Variants in FSIP1 observed in about 807,000 individuals in gnomAD.
The protein encoded by FSIP1 is fibrous sheath interacting protein 1.
FSIP1 carries 65 observed loss-of-function variants against 60.9 expected under a neutral mutation model. That is an observed-to-expected ratio of 1.07 (90% CI 0.87 to 1.31). FSIP1 has a LOEUF of 1.31. Ranked by LOEUF, FSIP1 falls within the 40% of genes most tolerant of loss-of-function variation. The pLI is 0.00. For missense variants in FSIP1, 675 were observed against 665.5 expected, an observed-to-expected ratio of 1.01 and a Z score of -0.16; for synonymous variants, 209 against 221.2, an observed-to-expected ratio of 0.94 and a Z score of 0.49.
chr15:39,778,219 G>A (rs889796689), intron 1 of FSIP1, among the ~76,000 whole-genome samples: 8 of 152,158 alleles, frequency 5.3e-5, no homozygotes, highest in Non-Finnish European at 8.8e-5. Context: ...TCTTGTAAAC[G>A]CCCTAAGCAG....
At chr15:39,772,715 C>T (rs966300839) in intron 2 of FSIP1, among the ~76,000 whole-genome samples, 5 of 151,914 alleles carry the variant, frequency 3.3e-5, no homozygotes, top group African/African-American at 9.7e-5. Context: ...CTCAGCCTCC[C>T]GAGTAGCTGG....
rs184614949 is a variant in FSIP1, at chr15:39,664,938, A to G, written c.1189-46693T>C. Among the ~76,000 whole-genome samples, 33 of 152,336 alleles carry G rather than the reference A, an allele frequency of 2.2e-4. No individual in the cohort carries two copies. The East Asian group carries it at 6.0e-3, about 28-fold the overall frequency. ...AGCTATTTCCTCCCACTAGAATATAAGCTCCATGAGAGCACAGACATTATC... is the reference window on the plus strand; with the variant it reads ...AGCTATTTCCTCCCACTAGAATATAGGCTCCATGAGAGCACAGACATTATC... On this transcript the variant is annotated intron_variant, in intron 10 of 11. Coordinates refer to ENST00000350221, the MANE Select transcript of FSIP1 (RefSeq NM_152597.5).
chr15:39,645,893 G>A (rs892784807), intron 10 of FSIP1, among the ~76,000 whole-genome samples: 2 of 152,220 alleles, frequency 1.3e-5, no homozygotes, highest in African/African-American at 4.8e-5. Flanking sequence ...GTGGAAGGGG[G>A]CAGGGTCCCC....
chr15:39,672,437 A>G (rs1264483751), intron 10 of FSIP1, among the ~76,000 whole-genome samples: 1 of 152,210 alleles, frequency 6.6e-6, no homozygotes, highest in African/African-American at 2.4e-5. Flanking sequence ...CAGGAATAGT[A>G]CAGACAAGAT....
intron 5 of FSIP1, among the ~76,000 whole-genome samples, chr15:39,755,118 T>C (rs184413214): frequency 9.2e-5 from 14 of 152,246 alleles, no homozygotes; most frequent in African/African-American, 3.1e-4. Context: ...TGGTTATTCA[T>C]TGGTTCAATG....
At chr15:39,658,452 G>A (rs12900024) in intron 10 of FSIP1, among the ~76,000 whole-genome samples, 1 of 151,498 alleles carries the variant, frequency 6.6e-6, no homozygotes, top group South Asian at 2.1e-4. Context: ...TTTTCACCAC[G>A]TTGGCCAGGC....
Position 39,765,707 on chromosome 15 carries a change from T to C in FSIP1, c.350A>G (p.Asp117Gly), listed in dbSNP as rs760757130. Reference protein sequence around the residue: ...KLKELDSQLQDAIQKMKKLDK... With the variant: ...KLKELDSQLQGAIQKMKKLDK... The stretch of plus-strand genomic sequence containing the variant: ...AAGTTTTTTCATCTTCTGAATAGCA[T>C]CTTGAAGTTGAGAATCTAATTCTTT... The change falls in exon 4 of 12, where the codon GAT becomes GGT. Residue 117 changes from aspartate to glycine, a missense_variant. By Grantham distance (94) the Asp-to-Gly change is moderately conservative. Coordinates refer to ENST00000350221, the MANE Select transcript of FSIP1 (RefSeq NM_152597.5). The C allele has an allele frequency of 2.6e-6, 4 of 1,561,840 alleles. No homozygotes were observed. The highest frequency in any genetic ancestry group is 1.8e-6 in the Non-Finnish European group (2 of 1,140,052).
intron 10 of FSIP1, among the ~76,000 whole-genome samples, chr15:39,698,135 T>C (rs1174025495): frequency 6.6e-6 from 1 of 150,432 alleles, no homozygotes; most frequent in Admixed American, 6.6e-5. Context: ...CAAGATGTGT[T>C]GAAAGTGTAC....
At position 39,679,749 on chromosome 15, in the gene FSIP1, A is replaced by G. The variant is rs79427452; in HGVS notation, c.1188+33695T>C. On this transcript the variant is annotated intron_variant, in intron 10 of 11. Coordinates refer to ENST00000350221, the MANE Select transcript of FSIP1 (RefSeq NM_152597.5). ...TTTAATGATTATTCAATGCAAAAAA[A>G]GTATTAATTGATTAAGGGGGGAAAA... Among the ~76,000 whole-genome samples, 1,446 of 152,364 alleles carry G rather than the reference A, an allele frequency of 9.5e-3. 25 individuals carry two copies. Among genetic ancestry groups the G allele is most frequent in the African/African-American group, 0.033 (1,391 of 41,590 alleles).
intron 9 of FSIP1, among the ~76,000 whole-genome samples, chr15:39,721,137 C>T (rs1410874810): frequency 6.6e-6 from 1 of 152,218 alleles, no homozygotes; most frequent in East Asian, 1.9e-4. Context: ...GCCCTTTTCA[C>T]AAAGACCAAC....
downstream of FSIP1, chr15:39,597,520 A>G (rs1309359555): frequency 6.6e-6 from 1 of 152,134 alleles, no homozygotes; most frequent in African/African-American, 2.4e-5. Context: ...CATGAAGTAT[A>G]TGCGTAAATA....
At chr15:39,607,639 AC>A (rs1164384525) in intron 11 of FSIP1, among the ~76,000 whole-genome samples, 1 of 152,212 alleles carries the variant, frequency 6.6e-6, no homozygotes, top group Non-Finnish European at 1.5e-5. Flanking sequence ...ATTTTTCAAT[AC>A]CACCATTTAA....
At chr15:39,650,167 C>T (rs536749905) in intron 10 of FSIP1, among the ~76,000 whole-genome samples, 27 of 152,326 alleles carry the variant, frequency 1.8e-4, no homozygotes, top group African/African-American at 6.5e-4. Flanking sequence ...GGTTTCTCTA[C>T]TATGGAATTC....
At chr15:39,691,036 C>T (rs1192271360) in intron 10 of FSIP1, among the ~76,000 whole-genome samples, 3 of 152,192 alleles carry the variant, frequency 2.0e-5, no homozygotes, top group African/African-American at 7.2e-5. Context: ...AGTTGGACTG[C>T]CTTTCCTCCA....
chr15:39,670,588 TC>T (rs1301916864), intron 10 of FSIP1, among the ~76,000 whole-genome samples: 1 of 152,168 alleles, frequency 6.6e-6, no homozygotes, highest in Non-Finnish European at 1.5e-5. Flanking sequence ...CTTAATGGTG[TC>T]CAAAAGAATA....
At chr15:39,760,239 T>C (rs1360841746) in intron 5 of FSIP1, among the ~76,000 whole-genome samples, 1 of 152,162 alleles carries the variant, frequency 6.6e-6, no homozygotes, top group African/African-American at 2.4e-5. Flanking sequence ...CCAAATCTAG[T>C]GGCATATGGT....
chr15:39,765,331 C>T (rs1897646619), intron 4 of FSIP1, among the ~76,000 whole-genome samples: 1 of 148,084 alleles, frequency 6.8e-6, no homozygotes, highest in Admixed American at 6.8e-5. Flanking sequence ...GCATTGAACT[C>T]CTGGGCTCAA....
chr15:39,608,423 T>G (rs1890904914), intron 11 of FSIP1, among the ~76,000 whole-genome samples: 1 of 152,240 alleles, frequency 6.6e-6, no homozygotes, highest in African/African-American at 2.4e-5. Flanking sequence ...ATTACTTTTC[T>G]AAACCCCCCT....
At chr15:39,766,858 G>T (rs1474146558) in intron 3 of FSIP1, among the ~76,000 whole-genome samples, 1 of 151,914 alleles carries the variant, frequency 6.6e-6, no homozygotes, top group Non-Finnish European at 1.5e-5. Context: ...CTTTTTTTAA[G>T]AGACAGGATC....
Sources: allele counts gnomAD v4.1 joint callset (sites outside exome capture counted in the v4.1 genomes callset), GRCh38; gene constraint gnomAD v4.1.1; transcripts MANE v1.5; gene names NCBI Gene and HGNC (gene_info 2026-07-23, HGNC 2026-07-21).